The following CRTAC1 variants were observed in gnomAD, a reference collection of about 807,000 sequenced individuals.
CRTAC1 encodes the protein cartilage acidic protein 1.
In CRTAC1, 37 loss-of-function variants were observed where a neutral mutation model predicts 67.8. That is an observed-to-expected ratio of 0.55 (90% CI 0.42 to 0.72). The LOEUF (loss-of-function observed/expected upper bound fraction) is 0.72, where lower values mean the gene tolerates loss of function less well. Ranked by LOEUF, CRTAC1 falls within the 30% of genes least tolerant of loss-of-function variation. The pLI is 0.00. For synonymous variants in CRTAC1, 348 were observed against 371.0 expected, an observed-to-expected ratio of 0.94 and a Z score of 0.71; for missense variants, 780 against 931.6, an observed-to-expected ratio of 0.84 and a Z score of 2.12.
At chr10:98,000,229 T>C (rs1455060316) in intron 2 of CRTAC1, among the ~76,000 whole-genome samples, 1 of 152,108 alleles carries the variant, frequency 6.6e-6, no homozygotes, top group Non-Finnish European at 1.5e-5. Context: ...TTGCTCTCTA[T>C]ATTGTGGGAA....
At chr10:97,892,349 T>C (rs1285464023) in intron 11 of CRTAC1, among the ~76,000 whole-genome samples, 13 of 152,324 alleles carry the variant, frequency 8.5e-5, no homozygotes, top group African/African-American at 3.1e-4. Flanking sequence ...TGAGCCTCAA[T>C]GTCCTTATTG....
In CRTAC1 at chr10:97,994,690, G is replaced by C. The variant is rs570093139; in HGVS notation, c.224+16448C>G. On this transcript the variant is annotated intron_variant, in intron 2 of 14. Transcript: ENST00000370597. ...TTCAACTCATGATTCAACAGCAAAGGGAGAACTTTCCTTCAAGATAGAAAA... is the reference window on the plus strand; with the variant it reads ...TTCAACTCATGATTCAACAGCAAAGCGAGAACTTTCCTTCAAGATAGAAAA... Among the ~76,000 whole-genome samples, 26 of 152,274 alleles carry C rather than the reference G, an allele frequency of 1.7e-4. No individual in the cohort carries two copies. In the South Asian group the frequency reaches 5.4e-3, roughly 32 times the overall value.
intron 2 of CRTAC1, among the ~76,000 whole-genome samples, chr10:98,010,064 G>T (rs1842876168): frequency 6.7e-6 from 1 of 150,010 alleles, no homozygotes; most frequent in African/African-American, 2.5e-5. Context: ...TTTTTAGATG[G>T]AGTCTTGCTC....
chr10:97,874,448 A>G (rs916676268), intron 14 of CRTAC1, among the ~76,000 whole-genome samples: 1 of 152,176 alleles, frequency 6.6e-6, no homozygotes, highest in Non-Finnish European at 1.5e-5. Context: ...CCCAGGCCCC[A>G]GGAAGGTTGG....
At chr10:97,964,200 G>A (rs537908037) in intron 2 of CRTAC1, among the ~76,000 whole-genome samples, 6 of 152,126 alleles carry the variant, frequency 3.9e-5, no homozygotes, top group African/African-American at 7.2e-5. Context: ...GTGGCTTGTC[G>A]GGGCCTAAAA....
intron 1 of CRTAC1, among the ~76,000 whole-genome samples, chr10:98,015,824 AGGT>A (rs1334712348): frequency 6.6e-6 from 1 of 152,204 alleles, no homozygotes; most frequent in East Asian, 1.9e-4. Context: ...ACAAGCTCCC[AGGT>A]GGTGGTGGTG....
chr10:97,917,545 C>A lies in CRTAC1; in HGVS notation c.670G>T (p.Ala224Ser), dbSNP rs376070427. Residue 224 changes from alanine (A) to serine (S), a missense_variant, in exon 5 of 15, where the codon GCG becomes TCG. Ala to Ser is a moderately conservative substitution (Grantham distance 99, BLOSUM62 1). Transcript: ENST00000370597. ...EASDLSRGIL[A>S]LRDVAAEAGV... is the part of the protein sequence containing the mutation. Reference sequence around the variant, plus strand: ...GCCTCAGCAGCCACATCTCTGAGCGCCAGAATGCCCCGGGAGAGGTCACTG... The same window carrying A: ...GCCTCAGCAGCCACATCTCTGAGCGACAGAATGCCCCGGGAGAGGTCACTG... The A allele has an allele frequency of 1.3e-6, 2 of 1,594,348 alleles. No individual in the cohort carries two copies. Among genetic ancestry groups the A allele is most frequent in the African/African-American group, 1.3e-5 (1 of 74,636 alleles).
rs111609840 is a variant in CRTAC1, at chr10:97,998,643, T to C, written c.224+12495A>G. Reference sequence around the variant, plus strand: ...AGGGCATTCAGCAAGGTAACATCTTTGGAATTAAAGTGATCCCAGAAGGTC... The same window carrying C: ...AGGGCATTCAGCAAGGTAACATCTTCGGAATTAAAGTGATCCCAGAAGGTC... On this transcript the variant is annotated intron_variant, in intron 2 of 14. Coordinates refer to ENST00000370597, the MANE Select transcript of CRTAC1 (RefSeq NM_018058.7). Among the ~76,000 whole-genome samples the C allele has an allele frequency of 2.6e-5, 4 of 152,252 alleles. 1 individual carries two copies. The highest frequency in any genetic ancestry group is 9.6e-5 in the African/African-American group (4 of 41,562).
chr10:97,933,727 A>G (rs551545911), intron 3 of CRTAC1, among the ~76,000 whole-genome samples: 27 of 152,378 alleles, frequency 1.8e-4, no homozygotes, highest in African/African-American at 6.5e-4. Flanking sequence ...GTAGGTGCTC[A>G]GTAAATATTT....
At chr10:97,969,064 A>T (rs77804881) in intron 2 of CRTAC1, among the ~76,000 whole-genome samples, 4,331 of 152,244 alleles carry the variant, frequency 0.028, 81 homozygotes, top group Middle Eastern at 0.048. Flanking sequence ...CCCCATGTCA[A>T]AAGTGCCCTC....
At position 97,999,039 on chromosome 10, in the gene CRTAC1, G is replaced by C. The variant is rs541777658; in HGVS notation, c.224+12099C>G. Among the ~76,000 whole-genome samples, 3 of 152,330 alleles carry C rather than the reference G, an allele frequency of 2.0e-5. No individual in the cohort carries two copies. The South Asian group carries it at 6.2e-4, about 32-fold the overall frequency. On this transcript the variant is annotated intron_variant, in intron 2 of 14. Coordinates refer to ENST00000370597, the MANE Select transcript of CRTAC1 (RefSeq NM_018058.7). ...GAACCTTCTGATGATGGCAGAGACA[G>C]GCCATCTGGAGTGGCCACTGCCATC...
intron 1 of CRTAC1, among the ~76,000 whole-genome samples, chr10:98,017,358 G>A (rs189480951): frequency 2.6e-5 from 4 of 152,266 alleles, no homozygotes; most frequent in East Asian, 3.9e-4. Context: ...CAGACAAGGC[G>A]AAGCTAAATA....
At chr10:97,985,158 C>T (rs1417100377) in intron 2 of CRTAC1, among the ~76,000 whole-genome samples, 5 of 152,178 alleles carry the variant, frequency 3.3e-5, no homozygotes, top group East Asian at 3.9e-4. Flanking sequence ...GAAGCAATTA[C>T]CTACTAGTAA....
intron 8 of CRTAC1, among the ~76,000 whole-genome samples, chr10:97,897,757 T>C (rs2050482060): frequency 6.6e-6 from 1 of 152,236 alleles, no homozygotes; most frequent in Admixed American, 6.5e-5. Flanking sequence ...CAGTGAGCTT[T>C]CCTCTAGAAT....
At chr10:97,893,242 ATTGCCTTT>A (rs1339056370) in intron 11 of CRTAC1, among the ~76,000 whole-genome samples, 15 of 151,708 alleles carry the variant, frequency 9.9e-5, no homozygotes, top group Non-Finnish European at 2.9e-5. Context: ...CACTTTTTGC[ATTGCCTTT>A]CAGTTTTTTT....
chr10:97,869,839 C>T (rs2050071799), intron 14 of CRTAC1: 1 of 152,292 alleles, frequency 6.6e-6, no homozygotes, highest in Admixed American at 6.5e-5. Context: ...TGGGAAACTC[C>T]ACATCCCTCT....
intron 5 of CRTAC1, among the ~76,000 whole-genome samples, chr10:97,914,779 C>T (rs1443145672): frequency 6.6e-6 from 1 of 152,190 alleles, no homozygotes; most frequent in African/African-American, 2.4e-5. Context: ...CGGCACTGTC[C>T]CGGCTTCAAG....
At chr10:97,993,149 C>T (rs527450854) in intron 2 of CRTAC1, among the ~76,000 whole-genome samples, 42 of 152,008 alleles carry the variant, frequency 2.8e-4, no homozygotes, top group Non-Finnish European at 4.9e-4. Context: ...TGTTAGGAAC[C>T]GAGAAGAACC....
intron 3 of CRTAC1, among the ~76,000 whole-genome samples, chr10:97,926,179 A>G (rs920782903): frequency 3.3e-5 from 5 of 152,152 alleles, no homozygotes; most frequent in African/African-American, 1.2e-4. Context: ...TGGAGCCCAG[A>G]AGGGACCTGC....
Sources: allele counts gnomAD v4.1 joint callset (sites outside exome capture counted in the v4.1 genomes callset), GRCh38; gene constraint gnomAD v4.1.1; transcripts MANE v1.5; gene names NCBI Gene and HGNC (gene_info 2026-07-23, HGNC 2026-07-21).